ROBO2: variants seen among roughly 807,000 people sequenced by gnomAD.
The protein encoded by ROBO2 is roundabout homolog 2.
Under a neutral mutation model 160.8 loss-of-function variants are expected in ROBO2, and 53 were observed. That is an observed-to-expected ratio of 0.33 (90% CI 0.26 to 0.41). The LOEUF (loss-of-function observed/expected upper bound fraction) is 0.41, where lower values mean the gene tolerates loss of function less well. ROBO2 is among the 10% of genes least tolerant of loss of function. The probability of loss-of-function intolerance (pLI) is 1.00; values close to 1 mark genes in which losing one functional copy is unlikely to be tolerated. For synonymous variants in ROBO2, 664 were observed against 611.7 expected, an observed-to-expected ratio of 1.09 and a Z score of -1.26; for missense variants, 1,577 against 1,722.4, an observed-to-expected ratio of 0.92 and a Z score of 1.49.
intron 2 of ROBO2, among the ~76,000 whole-genome samples, chr3:77,474,979 G>T (rs1307354549): frequency 6.6e-6 from 1 of 152,004 alleles, no homozygotes; most frequent in Non-Finnish European, 1.5e-5. Flanking sequence ...TTCAAAATTT[G>T]AGAAGAGTAA....
intron 2 of ROBO2, among the ~76,000 whole-genome samples, chr3:76,421,358 G>A (rs550305248): frequency 1.1e-4 from 16 of 152,234 alleles, no homozygotes; most frequent in South Asian, 2.1e-4. Context: ...TATTGAAATC[G>A]TTAATTATTT....
intron 2 of ROBO2, among the ~76,000 whole-genome samples, chr3:76,383,668 G>A (rs1444760835): frequency 2.0e-5 from 3 of 151,834 alleles, no homozygotes; most frequent in South Asian, 4.2e-4. Flanking sequence ...CTGATGTGCC[G>A]CAACTGCCAA....
rs1267759520 is a variant in ROBO2 at position 76,948,651 on chromosome 3, C to T, written c.110-149363C>T. On this transcript the variant is annotated intron_variant, in intron 2 of 26. Transcript: ENST00000487694. ...ACCCAGGCTGGATTTTGTGACTTCC[C>T]TTTTTAGTTGTACTTAATCTGATGT... Among the ~76,000 whole-genome samples, 5 of 139,126 alleles carry T rather than the reference C, an allele frequency of 3.6e-5. No individual in the cohort carries two copies. The East Asian group carries it at 1.0e-3, about 29-fold the overall frequency. 91.3% of individuals were successfully genotyped at this position (139,126 alleles called of 152,430 possible).
chr3:76,473,875 T>C (rs766790644), intron 2 of ROBO2, among the ~76,000 whole-genome samples: 27 of 152,288 alleles, frequency 1.8e-4, no homozygotes, highest in Non-Finnish European at 3.4e-4. Context: ...TCATATTTAC[T>C]TCCTAAAATG....
At chr3:76,698,378 GGT>G (rs760070663) in intron 2 of ROBO2, among the ~76,000 whole-genome samples, 13 of 152,152 alleles carry the variant, frequency 8.5e-5, no homozygotes, top group Non-Finnish European at 1.6e-4. Context: ...TAGTGACAGT[GGT>G]GTGTTTGGTA....
At chr3:76,369,530 G>A (rs1576720456) in intron 2 of ROBO2, among the ~76,000 whole-genome samples, 3 of 151,982 alleles carry the variant, frequency 2.0e-5, no homozygotes, top group East Asian at 3.9e-4. Flanking sequence ...CAGATCTAAC[G>A]TCCAAATGCC....
intron 24 of ROBO2, among the ~76,000 whole-genome samples, chr3:77,640,847 T>G (rs1159632985): frequency 6.6e-6 from 1 of 152,236 alleles, no homozygotes; most frequent in African/African-American, 2.4e-5. Context: ...TCTTAAAATA[T>G]ACAAACTCCA....
At chr3:76,140,213 A>G (rs1239097906) in intron 2 of ROBO2, among the ~76,000 whole-genome samples, 3 of 152,038 alleles carry the variant, frequency 2.0e-5, no homozygotes, top group African/African-American at 4.8e-5. Flanking sequence ...ACATAGACCA[A>G]TTAGGACTAA....
rs1280920269 is a variant in ROBO2 at position 76,478,678 on chromosome 3, CTGTT to C, written c.109+541078_109+541081del. Among the ~76,000 whole-genome samples, 27 of 135,180 alleles carry C rather than the reference CTGTT, an allele frequency of 2.0e-4. 1 individual carries two copies. The East Asian group carries it at 4.6e-3, about 23-fold the overall frequency. The allele number at this position is 135,180 out of a possible 152,430, so 88.7% of individuals were successfully genotyped here. On this transcript the variant is annotated intron_variant, in intron 2 of 26. Transcript: ENST00000487694. ...TATCCAACATCACACACTTTTTTCT[CTGTT>C]TTTTTTTTTTTTTTTTTGAGAGACA...
At chr3:76,879,939 T>C (rs1253920257) in intron 2 of ROBO2, among the ~76,000 whole-genome samples, 1 of 152,122 alleles carries the variant, frequency 6.6e-6, no homozygotes, top group Non-Finnish European at 1.5e-5. Context: ...ATAAATGCAT[T>C]GGGTTTCTGA....
chr3:77,294,994 G>A (rs1292867192), intron 2 of ROBO2, among the ~76,000 whole-genome samples: 2 of 151,518 alleles, frequency 1.3e-5, no homozygotes, highest in African/African-American at 2.4e-5. Context: ...TAAAATTGAC[G>A]GTTAAACGGA....
intron 1 of ROBO2, among the ~76,000 whole-genome samples, chr3:77,062,408 T>TA (rs1224250226): frequency 1.3e-5 from 2 of 152,012 alleles, no homozygotes; most frequent in Admixed American, 6.6e-5. Context: ...TTCAGATTTT[T>TA]AAAAAATACT....
At chr3:76,025,720 GAA>G (rs1327093867) in intron 2 of ROBO2, among the ~76,000 whole-genome samples, 1 of 151,740 alleles carries the variant, frequency 6.6e-6, no homozygotes, top group Non-Finnish European at 1.5e-5. Context: ...ATATCTCAGA[GAA>G]AAAGGCCATC....
chr3:76,385,089 G>C (rs1198432222), intron 2 of ROBO2, among the ~76,000 whole-genome samples: 2 of 152,026 alleles, frequency 1.3e-5, no homozygotes, highest in African/African-American at 4.8e-5. Flanking sequence ...CAACCTTCCA[G>C]GCTCAAACTA....
At chr3:77,085,020 T>C (rs1292489635) in intron 1 of ROBO2, among the ~76,000 whole-genome samples, 1 of 152,016 alleles carries the variant, frequency 6.6e-6, no homozygotes, top group Non-Finnish European at 1.5e-5. Context: ...ATTAAATGGG[T>C]CACTAAAAAG....
intron 2 of ROBO2, among the ~76,000 whole-genome samples, chr3:76,275,339 T>C (rs1412433824): frequency 1.3e-5 from 2 of 152,154 alleles, no homozygotes; most frequent in African/African-American, 2.4e-5. Context: ...TTCCCTTAAC[T>C]AATGAGAGCA....
chr3:77,576,543 A>G (rs2093769577), intron 14 of ROBO2, among the ~76,000 whole-genome samples: 1 of 152,154 alleles, frequency 6.6e-6, no homozygotes, highest in Non-Finnish European at 1.5e-5. Context: ...CACTGAGAAT[A>G]GATGAATTTT....
At chr3:76,041,627 T>C (rs555224478) in intron 2 of ROBO2, among the ~76,000 whole-genome samples, 23 of 152,136 alleles carry the variant, frequency 1.5e-4, no homozygotes, top group Admixed American at 7.2e-4. Flanking sequence ...CTTTATAGAA[T>C]TTTTTGTTTT....
At chr3:76,604,572 T>C (rs933700826) in intron 2 of ROBO2, among the ~76,000 whole-genome samples, 2 of 152,216 alleles carry the variant, frequency 1.3e-5, no homozygotes, top group Non-Finnish European at 2.9e-5. Flanking sequence ...GCCTAACTTA[T>C]TTTGCTTAAT....
Sources: allele counts gnomAD v4.1 joint callset (sites outside exome capture counted in the v4.1 genomes callset), GRCh38; gene constraint gnomAD v4.1.1; transcripts MANE v1.5; gene names NCBI Gene and HGNC (gene_info 2026-07-23, HGNC 2026-07-21).